Variants in ANKRD53 observed in about 807,000 individuals in gnomAD.
ANKRD53 encodes ankyrin repeat domain-containing protein 53.
ANKRD53 carries 27 observed loss-of-function variants against 30.1 expected under a neutral mutation model. That is an observed-to-expected ratio of 0.90 (90% CI 0.66 to 1.24). ANKRD53 has a LOEUF of 1.24. Ranked by LOEUF, ANKRD53 falls within the 50% of genes most tolerant of loss-of-function variation. The pLI, the probability that ANKRD53 is intolerant of heterozygous loss-of-function variation, is 0.00. For missense variants in ANKRD53, 682 were observed against 721.0 expected (o/e 0.95, Z 0.62); for synonymous variants, 286 against 295.4 (o/e 0.97, Z 0.33).
intron 3 of ANKRD53, 126 bp downstream of exon 3, chr2:70,979,986 C>T (rs113707068): frequency 3.0e-5 from 33 of 1,114,968 alleles, no homozygotes; most frequent in African/African-American, 2.3e-4. Context: ...TTGGGTCCCA[C>T]ATAAAGCAGT....
chr2:70,985,475 A>C lies in ANKRD53; in HGVS notation c.*175A>C. On this transcript the variant is annotated 3_prime_UTR_variant, in exon 6 of 6. Transcript: ENST00000360589. ...GACCCCAGGCCTCCCTTTTCTCTGC[A>C]AATAAATCTCTTGGCACCCCCCCAC... is the stretch of plus-strand genomic sequence containing the variant. 1.6e-6 allele frequency: 1 copy of C among 615,320 alleles called. No homozygotes were observed. Among genetic ancestry groups the C allele is most frequent in the Non-Finnish European group, 2.7e-6 (1 of 365,722 alleles). 38.1% of individuals were successfully genotyped at this position (615,320 alleles called of 1,614,324 possible).
chr2:70,980,699 A>G (rs971352458), intron 3 of ANKRD53, among the ~76,000 whole-genome samples: 1 of 152,194 alleles, frequency 6.6e-6, no homozygotes, highest in South Asian at 2.1e-4. Context: ...TAATCCCAGC[A>G]CTTTGGGAGG....
rs544660202 is a variant in ANKRD53 at position 70,979,051 on chromosome 2, C to G, written c.171-46C>G. ...GCCAGGGATCGCCTCCCGAGAGGTG[C>G]CCGGGCCGTGGCCCAGAGTCGCTTC... On this transcript the variant is annotated intron_variant, in intron 1 of 5. Coordinates refer to ENST00000360589, the MANE Select transcript of ANKRD53 (RefSeq NM_001115116.2). 29 of 1,517,606 alleles carry G rather than the reference C, an allele frequency of 1.9e-5. No individual in the cohort carries two copies. The East Asian group carries it at 6.0e-4, about 32-fold the overall frequency. The allele number at this position is 1,517,606 out of a possible 1,614,324, so 94.0% of individuals were successfully genotyped here. A position where few individuals can be genotyped will look rare whatever the true frequency, so the allele number is the denominator to read the frequency against.
intron 5 of ANKRD53, chr2:70,984,140 G>A: frequency 1.2e-6 from 2 of 1,613,908 alleles, no homozygotes. Context: ...GATGCAGTGT[G>A]CACTTCCCAT....
chr2:70,985,013 C>G lies in ANKRD53; in HGVS notation c.1306C>G (p.Leu436Val). Residue 436 changes from leucine to valine, a missense_variant, in exon 6 of 6, where the codon CTG (leucine) becomes GTG (valine). Leu to Val is a conservative substitution (Grantham distance 32). Transcript: ENST00000360589. ...GCCTGATGGGCACGGCGGTGCGCGG[C>G]TGCACACAGTGGACGGCCACTGGGT... ...VRPDGHGGAR[L>V]HTVDGHWVAP... 1 of 1,549,052 alleles carries G rather than the reference C, an allele frequency of 6.5e-7. No homozygotes were observed. Among genetic ancestry groups the G allele is most frequent in the Non-Finnish European group, 8.7e-7 (1 of 1,146,478 alleles).
chr2:70,978,485 C>A, upstream of ANKRD53: 1 of 812,772 alleles, frequency 1.2e-6, no homozygotes, highest in Non-Finnish European at 1.7e-6. This position sits in a 1 kb window ranked among gnomAD's most constrained non-coding sequence, Gnocchi z 4.3. Flanking sequence ...TCCCCGGAGG[C>A]CCCCGGGCTC....
At position 70,982,136 on chromosome 2, in the gene ANKRD53, C is replaced by G; in HGVS notation, c.782+36C>G. On this transcript the variant is annotated intron_variant, in intron 4 of 5. Coordinates refer to ENST00000360589, the MANE Select transcript of ANKRD53 (RefSeq NM_001115116.2). The surrounding 1 kb of genome is among the most constrained non-coding windows in gnomAD (Gnocchi z 4.2). Reference sequence around the variant, plus strand: ...GAGAACCACCTGGAGCCTGCCCACCCCCTTCCCCTCCCCCAGCCTTTTCCC... The same window carrying G: ...GAGAACCACCTGGAGCCTGCCCACCGCCTTCCCCTCCCCCAGCCTTTTCCC... The G allele has an allele frequency of 6.4e-7, 1 of 1,557,632 alleles. No homozygotes were observed. The highest frequency in any genetic ancestry group is 1.2e-5 in the South Asian group (1 of 81,422).
rs376162693 is a variant in ANKRD53, at chr2:70,982,717, G to A, written c.903+20G>A. 4 of 1,612,278 alleles carry A rather than the reference G, an allele frequency of 2.5e-6. No homozygotes were observed. The highest frequency in any genetic ancestry group is 1.1e-5 in the South Asian group (1 of 90,998). On this transcript the variant is annotated intron_variant, in intron 5 of 5. Transcript: ENST00000360589. This position sits in a 1 kb window ranked among gnomAD's most constrained non-coding sequence, Gnocchi z 4.2. ...TATCAAGTAAGGGGGACAGCAGGGGGGCCAGGGGACAGCTGCTATCCAGGC... is the reference window on the plus strand; with the variant it reads ...TATCAAGTAAGGGGGACAGCAGGGGAGCCAGGGGACAGCTGCTATCCAGGC...
rs781816691 is a variant in ANKRD53, at chr2:70,984,810, C to T, written c.1103C>T (p.Thr368Met). The change falls in exon 6 of 6, where the codon ACG becomes ATG. Residue 368 changes from threonine to methionine, a missense_variant. By Grantham distance (81) the Thr-to-Met change is moderately conservative. Transcript: ENST00000360589. ...DARLQCIPQP[T>M]EMPKPIYRKP... ...CGCCTGCAATGCATTCCACAGCCCA[C>T]GGAGATGCCCAAGCCCATCTACAGG... 7.7e-6 allele frequency: 12 copies of T among 1,553,588 alleles called. No homozygotes were observed. Among genetic ancestry groups the T allele is most frequent in the Admixed American group, 2.0e-5 (1 of 51,114 alleles).
At chr2:70,981,178 A>G (rs1290907194) in intron 3 of ANKRD53, among the ~76,000 whole-genome samples, 1 of 152,216 alleles carries the variant, frequency 6.6e-6, no homozygotes, top group African/African-American at 2.4e-5. Context: ...CATATAGGAG[A>G]CTGCATTCAT....
rs1553423090 is a variant in ANKRD53, at chr2:70,979,334, C to G, written c.408C>G (p.Thr136=). 2 of 1,613,526 alleles carry G rather than the reference C, an allele frequency of 1.2e-6. No individual in the cohort carries two copies. The highest frequency in any genetic ancestry group is 1.7e-6 in the Non-Finnish European group (2 of 1,180,008). The part of the protein sequence containing the change: ...CLNQSLREIP[T]DDKGFTAIHF... ...ACCAGAGCCTCAGGGAAATCCCCAC[C>G]GACGACAAGGTAAGGTCTTGAGTGT... The change falls in exon 2 of 6, where the codon ACC becomes ACG. Residue 136 remains threonine (T), a synonymous_variant. Transcript: ENST00000360589.
Position 70,982,458 on chromosome 2 carries a change from C to T in ANKRD53, c.783-119C>T, listed in dbSNP as rs893960894. On this transcript the variant is annotated intron_variant, in intron 4 of 5. Coordinates refer to ENST00000360589, the MANE Select transcript of ANKRD53 (RefSeq NM_001115116.2). This position sits in a 1 kb window ranked among gnomAD's most constrained non-coding sequence, Gnocchi z 4.2. ...GCAATGGGGATGGCTCATCTTGCTC[C>T]TCTCCCTCTGGCCACTCCCCTCATC... 24 of 1,417,014 alleles carry T rather than the reference C, an allele frequency of 1.7e-5. 2 individuals carry two copies. In the African/African-American group the frequency reaches 2.4e-4, roughly 14 times the overall value. The allele number at this position is 1,417,014 out of a possible 1,614,324, so 87.8% of individuals were successfully genotyped here.
chr2:70,985,233 C>G lies in ANKRD53; in HGVS notation c.1526C>G (p.Ala509Gly), dbSNP rs1553424645. The G allele has an allele frequency of 3.2e-6, 5 of 1,551,402 alleles. No individual in the cohort carries two copies. The Admixed American group carries it at 7.8e-5, about 24-fold the overall frequency. ...AACCTGCGTGACACATTCGATGAAG[C>G]CTTCCTGGCAGCTGTGCGATCTCAT... ...AMNLRDTFDE[A>G]FLAAVRSHQG... The change falls in exon 6 of 6, where the codon GCC becomes GGC. Residue 509 changes from alanine (A) to glycine (G), a missense_variant. By Grantham distance (60) the Ala-to-Gly change is moderately conservative. Coordinates refer to ENST00000360589, the MANE Select transcript of ANKRD53 (RefSeq NM_001115116.2).
chr2:70,978,581 G>A, upstream of ANKRD53: 4 of 1,416,272 alleles, frequency 2.8e-6, no homozygotes, highest in Non-Finnish European at 3.7e-6. This position sits in a 1 kb window ranked among gnomAD's most constrained non-coding sequence, Gnocchi z 4.3. Context: ...AGTGGCCCCC[G>A]GGGGCGGGGC....
rs782701865 is a variant in ANKRD53 at position 70,984,188 on chromosome 2, G to A, written c.904-423G>A. The stretch of plus-strand genomic sequence containing the variant: ...CCATCACACCAGAGACTCTCCTATG[G>A]CAGGACATTTCTCTACTATCAGACT... On this transcript the variant is annotated intron_variant, in intron 5 of 5. Coordinates refer to ENST00000360589, the MANE Select transcript of ANKRD53 (RefSeq NM_001115116.2). 3 of 1,614,208 alleles carry A rather than the reference G, an allele frequency of 1.9e-6. No homozygotes were observed. The Admixed American group carries it at 5.0e-5, about 27-fold the overall frequency.
Position 70,985,175 on chromosome 2 carries a change from GACA to G in ANKRD53, c.1472_1474del (p.Asn491del). ...AGTGCCCAGGAAGCGGCACCTGGGT[GACA>G]ACACCTTCTGGACCGACACTCTGGC... On this transcript the variant is annotated inframe_deletion, in exon 6 of 6. Coordinates refer to ENST00000360589, the MANE Select transcript of ANKRD53 (RefSeq NM_001115116.2). 1 of 1,551,254 alleles carries G rather than the reference GACA, an allele frequency of 6.4e-7. No individual in the cohort carries two copies. Among genetic ancestry groups the G allele is most frequent in the Non-Finnish European group, 8.7e-7 (1 of 1,146,894 alleles).
At position 70,978,969 on chromosome 2, in the gene ANKRD53, G is replaced by T; in HGVS notation, c.171-128G>T. On this transcript the variant is annotated intron_variant, in intron 1 of 5. Coordinates refer to ENST00000360589, the MANE Select transcript of ANKRD53 (RefSeq NM_001115116.2). The surrounding 1 kb of genome is among the most constrained non-coding windows in gnomAD (Gnocchi z 4.3). The stretch of plus-strand genomic sequence containing the variant: ...GGCCAGGGATCGCCTCCCGAGAGGT[G>T]CCTAGGCCGTGGCCCAGAGTCGCTT... 1 of 1,445,954 alleles carries T rather than the reference G, an allele frequency of 6.9e-7. No homozygotes were observed. The highest frequency in any genetic ancestry group is 9.1e-7 in the Non-Finnish European group (1 of 1,099,848). The allele number at this position is 1,445,954 out of a possible 1,614,324, so 89.6% of individuals were successfully genotyped here.
rs911562977 is a variant in ANKRD53, at chr2:70,984,030, C to T, written c.904-581C>T. Reference sequence around the variant, plus strand: ...CCACCGGGCCTGGAGAGCCAGCCAACTGTATCCTCCCTACATGACTTCTCA... The same window carrying T: ...CCACCGGGCCTGGAGAGCCAGCCAATTGTATCCTCCCTACATGACTTCTCA... On this transcript the variant is annotated intron_variant, in intron 5 of 5. Coordinates refer to ENST00000360589, the MANE Select transcript of ANKRD53 (RefSeq NM_001115116.2). 39 of 1,251,900 alleles carry T rather than the reference C, an allele frequency of 3.1e-5. No homozygotes were observed. The African/African-American group carries it at 5.5e-4, about 18-fold the overall frequency. 77.5% of individuals were successfully genotyped at this position (1,251,900 alleles called of 1,614,324 possible).
At chr2:70,979,058 C>G (rs782067648) in intron 1 of ANKRD53, 39 bp from the exon 2 acceptor site, 1 of 1,526,942 alleles carries the variant, frequency 6.5e-7, no homozygotes, top group Non-Finnish European at 8.7e-7. Context: ...GTGCCCGGGC[C>G]GTGGCCCAGA....
Sources: gnomAD v4.1 joint callset for allele counts (sites outside exome capture counted in the v4.1 genomes callset) on GRCh38, gnomAD v4.1.1 for gene constraint, Gnocchi (gnomAD v3.1) non-coding constraint, MANE v1.5 for transcripts, NCBI Gene and HGNC (gene_info 2026-07-23, HGNC 2026-07-21) for gene names.